The following ABCG1 variants were observed in gnomAD, a reference collection of about 807,000 sequenced individuals.
ABCG1 encodes ATP-binding cassette sub-family G member 1.
A neutral mutation model predicts 69.2 loss-of-function variants in ABCG1; 29 were observed. That is an observed-to-expected ratio of 0.42 (90% CI 0.31 to 0.57). The LOEUF is 0.57. Ranked by LOEUF, ABCG1 falls within the 20% of genes least tolerant of loss-of-function variation. ABCG1 has a pLI of 0.15. For synonymous variants in ABCG1, 370 were observed against 374.8 expected (o/e 0.99, Z 0.15); for missense variants, 718 against 898.1 (o/e 0.80, Z 2.56).
rs902772053 is a variant in ABCG1, at chr21:42,291,788, C to A, written c.1653+132C>A. ...ACCCTCCTAGATGGGGTCGTTCCCACGGGAAGGGCCCGCATTGTCGAGGGT... is the reference window on the plus strand; with the variant it reads ...ACCCTCCTAGATGGGGTCGTTCCCAAGGGAAGGGCCCGCATTGTCGAGGGT... On this transcript the variant is annotated intron_variant, in intron 13 of 14. Coordinates refer to ENST00000398449, the MANE Select transcript of ABCG1 (RefSeq NM_016818.3). The surrounding 1 kb of genome is among the most constrained non-coding windows in gnomAD (Gnocchi z 6.4). 2 of 1,094,874 alleles carry A rather than the reference C, an allele frequency of 1.8e-6. No individual in the cohort carries two copies. The highest frequency in any genetic ancestry group is 3.2e-5 in the African/African-American group (2 of 62,870). 67.8% of individuals were successfully genotyped at this position (1,094,874 alleles called of 1,614,324 possible). A position where few individuals can be genotyped will look rare whatever the true frequency, so the allele number is the denominator to read the frequency against.
intron 1 of ABCG1, among the ~76,000 whole-genome samples, chr21:42,222,019 C>T (rs1331460029): frequency 1.3e-5 from 2 of 152,154 alleles, no homozygotes; most frequent in Non-Finnish European, 2.9e-5. Flanking sequence ...AACAGGGTCT[C>T]TTTGGCATTC....
At chr21:42,292,037 C>T (rs73364645) in intron 13 of ABCG1, among the ~76,000 whole-genome samples, 17,812 of 152,128 alleles carry the variant, frequency 0.12, 2,165 homozygotes, top group African/African-American at 0.31. Flanking sequence ...AGCCAAGCTC[C>T]CAACACCTAT....
rs543282058 is a variant in ABCG1 at position 42,276,708 on chromosome 21, G to A, written c.538-187G>A. The stretch of plus-strand genomic sequence containing the variant: ...TAGCTGCACCGTGACTAGTGGCACC[G>A]TGGCTAGCTGCACCGTGGCTAGCGG... On this transcript the variant is annotated intron_variant, in intron 4 of 14. Coordinates refer to ENST00000398449, the MANE Select transcript of ABCG1 (RefSeq NM_016818.3). This position sits in a 1 kb window ranked among gnomAD's most constrained non-coding sequence, Gnocchi z 5.3. The A allele has an allele frequency of 7.7e-5, 47 of 611,974 alleles. No individual in the cohort carries two copies. Among genetic ancestry groups the A allele is most frequent in the African/African-American group, 3.6e-4 (17 of 47,694 alleles). The allele number at this position is 611,974 out of a possible 1,614,324, so 37.9% of individuals were successfully genotyped here.
chr21:42,231,817 C>G (rs1285803048), intron 2 of ABCG1, among the ~76,000 whole-genome samples: 2 of 152,228 alleles, frequency 1.3e-5, no homozygotes, highest in African/African-American at 4.8e-5. Flanking sequence ...TTCTTTGAGG[C>G]TGTTGTGCTA....
At chr21:42,225,168 A>G (rs1175866893) in intron 1 of ABCG1, among the ~76,000 whole-genome samples, 3 of 152,258 alleles carry the variant, frequency 2.0e-5, no homozygotes, top group Non-Finnish European at 4.4e-5. Flanking sequence ...ACAAAGGCCA[A>G]TCCCCACAAA....
chr21:42,291,191 A>C lies in ABCG1; in HGVS notation c.1493A>C (p.Gln498Pro). 2.5e-6 allele frequency: 4 copies of C among 1,611,628 alleles called. No individual in the cohort carries two copies. Among genetic ancestry groups the C allele is most frequent in the Non-Finnish European group, 3.4e-6 (4 of 1,178,182 alleles). Residue 498 changes from glutamine to proline, a missense_variant and splice_region_variant, in exon 12 of 15, where the codon CAG becomes CCG. Physicochemically the swap from Gln to Pro is moderately conservative, Grantham distance 76 (BLOSUM62 -1). Coordinates refer to ENST00000398449, the MANE Select transcript of ABCG1 (RefSeq NM_016818.3). The surrounding 1 kb of genome is among the most constrained non-coding windows in gnomAD (Gnocchi z 6.4). ...LAKTMADVPF[Q>P]IMFPVAYCSI... The stretch of plus-strand genomic sequence containing the variant: ...AAGACCATGGCAGACGTGCCCTTTC[A>C]GGTGTGTTAGCCAGGGGCTGGAATT...
rs2067698682 is a variant in ABCG1 at position 42,220,047 on chromosome 21, G to A, written c.42+743G>A. Reference sequence around the variant, plus strand: ...GAGTTCACTGCTGGACACAGTTACTGTAAGTGCTGTTTCCAGGGGTGGTCA... The same window carrying A: ...GAGTTCACTGCTGGACACAGTTACTATAAGTGCTGTTTCCAGGGGTGGTCA... On this transcript the variant is annotated intron_variant, in intron 1 of 14. Transcript: ENST00000398449. 1.9e-6 allele frequency: 3 copies of A among 1,551,502 alleles called. No homozygotes were observed. The East Asian group carries it at 7.3e-5, about 38-fold the overall frequency.
intron 2 of ABCG1, among the ~76,000 whole-genome samples, chr21:42,269,703 G>A (rs531219800): frequency 5.3e-5 from 8 of 152,312 alleles, no homozygotes; most frequent in South Asian, 2.1e-4. Flanking sequence ...AAATTAAGGC[G>A]GCACCTGGTG....
chr21:42,291,327 G>A lies in ABCG1; in HGVS notation c.1494+135G>A. ...CGGGAGCTCTGGTGGGAGCTGCGGGGAAGGGCCTGACTTCGGGAGCTGTGG... is the reference window on the plus strand; with the variant it reads ...CGGGAGCTCTGGTGGGAGCTGCGGGAAAGGGCCTGACTTCGGGAGCTGTGG... On this transcript the variant is annotated intron_variant, in intron 12 of 14. Transcript: ENST00000398449. This position sits in a 1 kb window ranked among gnomAD's most constrained non-coding sequence, Gnocchi z 6.4. 8.5e-7 allele frequency: 1 copy of A among 1,171,370 alleles called. No homozygotes were observed. Among genetic ancestry groups the A allele is most frequent in the Non-Finnish European group, 1.2e-6 (1 of 819,972 alleles). 72.6% of individuals were successfully genotyped at this position (1,171,370 alleles called of 1,614,324 possible).
intron 2 of ABCG1, among the ~76,000 whole-genome samples, chr21:42,240,596 G>A (rs1185148511): frequency 6.6e-6 from 1 of 152,282 alleles, no homozygotes; most frequent in East Asian, 1.9e-4. Context: ...GATTACAGGC[G>A]CCCATCACAC....
At chr21:42,214,531 A>G (rs1288497234), upstream of ABCG1, among the ~76,000 whole-genome samples, 1 of 152,256 alleles carries the variant, frequency 6.6e-6, no homozygotes, top group African/African-American at 2.4e-5. Flanking sequence ...GCCCAGCCCA[A>G]GGCAAGCTCG....
chr21:42,256,548 T>G (rs1205496055), intron 2 of ABCG1: 2 of 1,546,608 alleles, frequency 1.3e-6, no homozygotes, highest in Non-Finnish European at 1.7e-6. Flanking sequence ...ACAACAAATA[T>G]CCCATCTGCA....
At chr21:42,223,577 T>C (rs945032747) in intron 1 of ABCG1, among the ~76,000 whole-genome samples, 5 of 152,188 alleles carry the variant, frequency 3.3e-5, no homozygotes, top group African/African-American at 9.7e-5. Flanking sequence ...GAGGCACTTA[T>C]GCTTTCCTCC....
chr21:42,261,187 C>T (rs1293756227), intron 2 of ABCG1, among the ~76,000 whole-genome samples: 3 of 151,892 alleles, frequency 2.0e-5, no homozygotes, highest in South Asian at 2.1e-4. Flanking sequence ...TGCTCTTGTC[C>T]TCCTTCCCCC....
intron 2 of ABCG1, among the ~76,000 whole-genome samples, chr21:42,202,944 CTGTT>C (rs2067518162): frequency 6.6e-6 from 1 of 152,114 alleles, no homozygotes; most frequent in Admixed American, 6.5e-5. Flanking sequence ...TTGGTGTAGA[CTGTT>C]TGCTATTGGC....
intron 1 of ABCG1, among the ~76,000 whole-genome samples, chr21:42,200,984 A>G (rs1416259268): frequency 6.6e-6 from 1 of 152,038 alleles, no homozygotes; most frequent in Middle Eastern, 3.2e-3. Flanking sequence ...GGTTTGTTAC[A>G]TAGGTAAACG....
intron 2 of ABCG1, among the ~76,000 whole-genome samples, chr21:42,257,741 A>T (rs1002870980): frequency 6.6e-6 from 1 of 152,226 alleles, no homozygotes; most frequent in African/African-American, 2.4e-5. Flanking sequence ...TACACTGGCC[A>T]CTGAACTGCA....
intron 2 of ABCG1, among the ~76,000 whole-genome samples, chr21:42,240,951 C>A (rs764421771): frequency 3.3e-5 from 5 of 152,268 alleles, no homozygotes; most frequent in Non-Finnish European, 5.9e-5. Context: ...CCGCACCACC[C>A]AGGGGACCGA....
chr21:42,214,989 C>T (rs142253727), upstream of ABCG1, among the ~76,000 whole-genome samples: 22 of 152,314 alleles, frequency 1.4e-4, no homozygotes, highest in East Asian at 3.5e-3. Flanking sequence ...GAGATGTCCC[C>T]GGCCACACAG....
Sources: allele counts gnomAD v4.1 joint callset (sites outside exome capture counted in the v4.1 genomes callset), GRCh38; gene constraint gnomAD v4.1.1; non-coding constraint Gnocchi (gnomAD v3.1); transcripts MANE v1.5; gene names NCBI Gene and HGNC (gene_info 2026-07-23, HGNC 2026-07-21).